SPMIP2: variants seen among roughly 807,000 people sequenced by gnomAD.
The protein encoded by SPMIP2 is protein SPMIP2.
chr4:158,967,825 G>A, the SPMIP2 span, among the ~76,000 whole-genome samples: 1 of 152,326 alleles, frequency 6.6e-6, no homozygotes, highest in South Asian at 2.1e-4. Context: ...GGACACTGTT[G>A]TATAGGAGTT....
chr4:159,011,784 G>T, the SPMIP2 span, among the ~76,000 whole-genome samples: 1 of 147,122 alleles, frequency 6.8e-6, no homozygotes, highest in Admixed American at 6.8e-5. Flanking sequence ...TTCTGAGCAG[G>T]CTTGGTGGCT....
chr4:159,006,132 G>A, the SPMIP2 span, among the ~76,000 whole-genome samples: 51,583 of 152,120 alleles, frequency 0.34, 9,344 homozygotes, highest in Middle Eastern at 0.41. Flanking sequence ...TTATGTTTCC[G>A]TTGAACAGTG....
the SPMIP2 span, among the ~76,000 whole-genome samples, chr4:159,020,404 G>A: frequency 6.6e-6 from 1 of 152,122 alleles, no homozygotes; most frequent in South Asian, 2.1e-4. Flanking sequence ...CAGGGATGAC[G>A]GTTATGGTAG....
chr4:159,003,550 T>C, the SPMIP2 span, among the ~76,000 whole-genome samples: 1 of 152,334 alleles, frequency 6.6e-6, no homozygotes, highest in Non-Finnish European at 1.5e-5. Context: ...TCTACTATGC[T>C]AATGCTATTG....
At chr4:158,983,516 T>TAGAGA in the SPMIP2 span, among the ~76,000 whole-genome samples, 1 of 149,490 alleles carries the variant, frequency 6.7e-6, no homozygotes, top group African/African-American at 2.5e-5. Flanking sequence ...TCAATATTCT[T>TAGAGA]AAAGAATTTT....
At chr4:159,063,503 T>A in the SPMIP2 span, among the ~76,000 whole-genome samples, 2 of 152,020 alleles carry the variant, frequency 1.3e-5, no homozygotes, top group Non-Finnish European at 2.9e-5. Context: ...TGAGCTGAAA[T>A]CGTGCCACTG....
At chr4:158,947,584 G>C in the SPMIP2 span, among the ~76,000 whole-genome samples, 2 of 152,128 alleles carry the variant, frequency 1.3e-5, no homozygotes, top group African/African-American at 2.4e-5. Context: ...CCCATAGTAA[G>C]TTGATAGTGC....
chr4:159,003,700 C>A, the SPMIP2 span, among the ~76,000 whole-genome samples: 331 of 152,274 alleles, frequency 2.2e-3, 1 homozygote, highest in Non-Finnish European at 3.4e-3. Flanking sequence ...AAAAGAAAGA[C>A]ATTTTTTCTT....
At chr4:158,990,641 A>T in the SPMIP2 span, among the ~76,000 whole-genome samples, 4 of 152,128 alleles carry the variant, frequency 2.6e-5, no homozygotes, top group African/African-American at 9.7e-5. Flanking sequence ...AGAACAGAAA[A>T]CCAAACACCG....
At chr4:158,928,722 T>C in the SPMIP2 span, among the ~76,000 whole-genome samples, 3 of 152,200 alleles carry the variant, frequency 2.0e-5, no homozygotes, top group Admixed American at 2.0e-4. Flanking sequence ...TAAATCTTGC[T>C]ACTGCTCAGT....
the SPMIP2 span, chr4:158,904,783 C>G: frequency 1.5e-5 from 7 of 482,130 alleles, no homozygotes; most frequent in Admixed American, 3.3e-5. Flanking sequence ...ACCCATGAAT[C>G]AACAAAGAAA....
chr4:159,033,303 G>A, the SPMIP2 span, among the ~76,000 whole-genome samples: 1 of 151,970 alleles, frequency 6.6e-6, no homozygotes, highest in Non-Finnish European at 1.5e-5. Flanking sequence ...GGGAAAGGGG[G>A]AGGGGGGAAT....
At chr4:158,991,952 T>A in the SPMIP2 span, among the ~76,000 whole-genome samples, 53,786 of 152,108 alleles carry the variant, frequency 0.35, 9,750 homozygotes, top group South Asian at 0.44. Flanking sequence ...GCTGAAGTGA[T>A]GCAATCCTAG....
chr4:158,919,803 A>T, the SPMIP2 span, among the ~76,000 whole-genome samples: 1 of 152,344 alleles, frequency 6.6e-6, no homozygotes, highest in East Asian at 1.9e-4. Context: ...TTTGGCTAGC[A>T]GTAGCCCCTT....
chr4:158,968,165 A>G, the SPMIP2 span, among the ~76,000 whole-genome samples: 49,721 of 151,678 alleles, frequency 0.33, 8,341 homozygotes, highest in South Asian at 0.43. Context: ...GAGTAGCTGC[A>G]ATTACAGGCG....
the SPMIP2 span, among the ~76,000 whole-genome samples, chr4:159,076,983 C>A: frequency 6.6e-6 from 1 of 152,108 alleles, no homozygotes; most frequent in African/African-American, 2.4e-5. Context: ...TTACAGGCAC[C>A]TGCCACCATG....
At chr4:158,931,877 A>T in the SPMIP2 span, among the ~76,000 whole-genome samples, 2 of 152,068 alleles carry the variant, frequency 1.3e-5, no homozygotes, top group East Asian at 1.9e-4. Context: ...CAGAATTTTT[A>T]AAATAATTGC....
chr4:158,918,776 C>G, the SPMIP2 span, among the ~76,000 whole-genome samples: 1 of 152,030 alleles, frequency 6.6e-6, no homozygotes, highest in Non-Finnish European at 1.5e-5. Context: ...CAGATGGGAC[C>G]CAAAGTCTAA....
the SPMIP2 span, among the ~76,000 whole-genome samples, chr4:158,926,493 A>T: frequency 6.6e-6 from 1 of 152,092 alleles, no homozygotes; most frequent in African/African-American, 2.4e-5. Context: ...TATTGATTTT[A>T]AATTTAATTT....
Sources: gnomAD v4.1 joint callset for allele counts (sites outside exome capture counted in the v4.1 genomes callset) on GRCh38, gnomAD v4.1.1 for gene constraint, MANE v1.5 for transcripts, NCBI Gene and HGNC (gene_info 2026-07-23, HGNC 2026-07-21) for gene names.